The following PSMF1 variants were observed in gnomAD, a reference collection of about 807,000 sequenced individuals.
The protein encoded by PSMF1 is proteasome inhibitor subunit 1.
PSMF1 carries 30 observed loss-of-function variants against 29.3 expected under a neutral mutation model. That is an observed-to-expected ratio of 1.02 (90% CI 0.77 to 1.39). PSMF1 has a LOEUF of 1.39. PSMF1 is among the 40% of genes most tolerant of loss of function. The pLI is 0.00. For synonymous variants in PSMF1, 134 were observed against 139.7 expected (o/e 0.96, Z 0.29); for missense variants, 344 against 357.5 (o/e 0.96, Z 0.31).
chr20:1,134,238 T>C (rs541624737), intron 3 of PSMF1, among the ~76,000 whole-genome samples: 1 of 152,278 alleles, frequency 6.6e-6, no homozygotes, highest in African/African-American at 2.4e-5. Flanking sequence ...TGAGGTTTCT[T>C]CTCAGCAATC....
upstream of PSMF1, chr20:1,117,767 A>G (rs570340727): frequency 6.6e-6 from 1 of 152,246 alleles, no homozygotes; most frequent in Non-Finnish European, 1.5e-5. Context: ...AGATGACAGG[A>G]GCTTGAACCA....
At chr20:1,132,555 G>A (rs1021845978) in intron 3 of PSMF1, among the ~76,000 whole-genome samples, 1 of 151,986 alleles carries the variant, frequency 6.6e-6, no homozygotes, top group Non-Finnish European at 1.5e-5. Flanking sequence ...GATTACAGAC[G>A]TGAGCCACCG....
intron 2 of PSMF1, chr20:1,125,977 C>A (rs555280539): frequency 1.3e-4 from 63 of 480,056 alleles, no homozygotes; most frequent in South Asian, 6.8e-4. Context: ...AAATTGAATT[C>A]TTTGCTGCCT....
intron 4 of PSMF1, among the ~76,000 whole-genome samples, chr20:1,159,722 TTGAC>T (rs938730544): frequency 6.6e-6 from 1 of 152,146 alleles, no homozygotes; most frequent in Non-Finnish European, 1.5e-5. Flanking sequence ...GCTAGAAACT[TTGAC>T]TGCTAGCTCC....
In PSMF1 at chr20:1,125,640, T is replaced by C; in HGVS notation, c.272T>C (p.Leu91Pro). 6.2e-7 allele frequency: 1 copy of C among 1,611,938 alleles called. No individual in the cohort carries two copies. The highest frequency in any genetic ancestry group is 8.5e-7 in the Non-Finnish European group (1 of 1,178,978). Residue 91 changes from leucine (L) to proline (P), a missense_variant, in exon 2 of 7, where the codon CTC (leucine) becomes CCC (proline). Coordinates refer to ENST00000335877, the MANE Select transcript of PSMF1 (RefSeq NM_006814.5). The stretch of plus-strand genomic sequence containing the variant: ...ATCACCGTGGAGAGCAGCATGATCC[T>C]CAATGTGCTGGTGAGTCTCTGGGAC... ...KAITVESSMI[L>P]NVLEYGSQQV...
At chr20:1,126,157 A>G (rs576671816) in intron 2 of PSMF1, among the ~76,000 whole-genome samples, 1 of 152,198 alleles carries the variant, frequency 6.6e-6, no homozygotes, top group South Asian at 2.1e-4. Flanking sequence ...AAAAATCTAA[A>G]TTATGTCTCT....
intron 4 of PSMF1, among the ~76,000 whole-genome samples, chr20:1,159,110 T>C (rs1347155891): frequency 6.6e-6 from 1 of 151,680 alleles, no homozygotes; most frequent in African/African-American, 2.4e-5. Flanking sequence ...AATAATGAGG[T>C]CACAGAAGTC....
intron 4 of PSMF1, among the ~76,000 whole-genome samples, chr20:1,140,962 C>A (rs1044614571): frequency 6.6e-6 from 1 of 151,962 alleles, no homozygotes; most frequent in Non-Finnish European, 1.5e-5. Context: ...TGATGAATAG[C>A]AAATATGATA....
chr20:1,151,353 G>A (rs887554101), intron 4 of PSMF1, among the ~76,000 whole-genome samples: 7 of 152,194 alleles, frequency 4.6e-5, no homozygotes, highest in African/African-American at 1.7e-4. Context: ...CAAAAGTTGT[G>A]TTATAATAGT....
intron 4 of PSMF1, among the ~76,000 whole-genome samples, chr20:1,148,638 T>C (rs1232390795): frequency 6.6e-6 from 1 of 152,238 alleles, no homozygotes; most frequent in Non-Finnish European, 1.5e-5. Flanking sequence ...CAAACATAAC[T>C]CTTTTAGTAT....
chr20:1,145,480 G>A (rs1412938178), intron 4 of PSMF1, among the ~76,000 whole-genome samples: 1 of 152,178 alleles, frequency 6.6e-6, no homozygotes, highest in Middle Eastern at 3.2e-3. Flanking sequence ...AGGAGGAGAT[G>A]TTAGCCAGAC....
chr20:1,155,583 C>T (rs548447567), intron 4 of PSMF1, among the ~76,000 whole-genome samples: 42 of 152,148 alleles, frequency 2.8e-4, no homozygotes, highest in Non-Finnish European at 5.4e-4. Context: ...GGGAGGAGCT[C>T]AGAAAGCACC....
rs2086700216 is a variant in PSMF1 at position 1,164,215 on chromosome 20, A to G, written c.606-103A>G. The stretch of plus-strand genomic sequence containing the variant: ...CCACATGTCTGCTTGGGCCATCCAG[A>G]GTAGACATCCCAGCCATTCTTGGTG... On this transcript the variant is annotated intron_variant, in intron 5 of 6. Coordinates refer to ENST00000335877, the MANE Select transcript of PSMF1 (RefSeq NM_006814.5). This position sits in a 1 kb window ranked among gnomAD's most constrained non-coding sequence, Gnocchi z 4.1. The G allele has an allele frequency of 5.7e-6, 7 of 1,229,372 alleles. No individual in the cohort carries two copies. In the East Asian group the frequency reaches 1.2e-4, roughly 20 times the overall value. 76.2% of individuals were successfully genotyped at this position (1,229,372 alleles called of 1,614,324 possible).
At chr20:1,119,041 A>C in intron 1 of PSMF1, 139 bp downstream of exon 1, 2 of 1,235,916 alleles carry the variant, frequency 1.6e-6, no homozygotes, top group Non-Finnish European at 2.2e-6. Context: ...CGTTGGTAAA[A>C]CCTGCGGGTC....
At chr20:1,137,292 A>G (rs916508962) in intron 4 of PSMF1, among the ~76,000 whole-genome samples, 1 of 152,238 alleles carries the variant, frequency 6.6e-6, no homozygotes, top group South Asian at 2.1e-4. Context: ...TGCTGAAATA[A>G]TGTACCTAGT....
chr20:1,166,456 G>T lies in PSMF1; in HGVS notation c.*1376G>T, dbSNP rs929000435. 59 of 626,604 alleles carry T rather than the reference G, an allele frequency of 9.4e-5. 1 individual carries two copies. Among genetic ancestry groups the T allele is most frequent in the Non-Finnish European group, 1.4e-4 (51 of 354,276 alleles). The allele number at this position is 626,604 out of a possible 1,614,324, so 38.8% of individuals were successfully genotyped here. A position where few individuals can be genotyped will look rare whatever the true frequency, so the allele number is the denominator to read the frequency against. ...AGCAAGCTACTGTAGCTCTTCTGAG[G>T]TATCTGCCAGGCTGTTTTCTGTAGC... On this transcript the variant is annotated 3_prime_UTR_variant, in exon 7 of 7. Transcript: ENST00000335877.
At chr20:1,160,629 A>C (rs1211902141) in intron 4 of PSMF1, 3 of 509,156 alleles carry the variant, frequency 5.9e-6, no homozygotes, top group Admixed American at 4.3e-5. Context: ...TGGCTCCAGC[A>C]TGTGCAAAGC....
chr20:1,159,420 C>G (rs933625939), intron 4 of PSMF1, among the ~76,000 whole-genome samples: 2 of 152,182 alleles, frequency 1.3e-5, no homozygotes, highest in African/African-American at 4.8e-5. Flanking sequence ...CTCAGGCCTC[C>G]CAAAGTGCTG....
chr20:1,120,646 C>G (rs1436617650), intron 1 of PSMF1, among the ~76,000 whole-genome samples: 3 of 152,196 alleles, frequency 2.0e-5, no homozygotes, highest in South Asian at 2.1e-4. Context: ...TTCAAAGAAA[C>G]TGGTATGTGG....
Sources: allele counts gnomAD v4.1 joint callset (sites outside exome capture counted in the v4.1 genomes callset), GRCh38; gene constraint gnomAD v4.1.1; non-coding constraint Gnocchi (gnomAD v3.1); transcripts MANE v1.5; gene names NCBI Gene and HGNC (gene_info 2026-07-23, HGNC 2026-07-21).